The following ATG7 variants were observed in gnomAD, a reference collection of about 807,000 sequenced individuals.
ATG7 encodes autophagy related 7.
Under a neutral mutation model 82.4 loss-of-function variants are expected in ATG7, and 70 were observed. The observed-to-expected ratio is 0.85, with a 90% confidence interval of 0.70 to 1.04. The LOEUF is 1.04. ATG7 is among the 50% of genes least tolerant of loss of function. The pLI is 0.00. For missense variants in ATG7, 792 were observed against 864.3 expected (o/e 0.92, Z 1.05); for synonymous variants, 287 against 313.0 (o/e 0.92, Z 0.88).
At chr3:11,348,271 T>C in intron 14 of ATG7, 2 of 497,884 alleles carry the variant, frequency 4.0e-6, no homozygotes, top group East Asian at 3.7e-5. Context: ...GTTCCTTCAG[T>C]GCGTTCTTGG....
At chr3:11,275,064 T>G (rs1198005977) in intron 1 of ATG7, among the ~76,000 whole-genome samples, 1 of 151,642 alleles carries the variant, frequency 6.6e-6, no homozygotes, top group Non-Finnish European at 1.5e-5. Flanking sequence ...GCAGTGACAG[T>G]GGAGATGGAG....
At chr3:11,570,709 G>A in the ATG7 span, among the ~76,000 whole-genome samples, 2 of 152,150 alleles carry the variant, frequency 1.3e-5, no homozygotes, top group Non-Finnish European at 2.9e-5. Context: ...AAAATTTAAG[G>A]AACATTTAAA....
downstream of ATG7, chr3:11,558,342 C>T (rs188306508): frequency 1.4e-5 from 10 of 724,130 alleles, no homozygotes; most frequent in Non-Finnish European, 2.0e-5. Context: ...ATGTTCCACG[C>T]GTAGTTCCTG....
chr3:11,335,392 AC>A (rs1952289788), intron 11 of ATG7, among the ~76,000 whole-genome samples: 1 of 152,164 alleles, frequency 6.6e-6, no homozygotes, highest in African/African-American at 2.4e-5. Context: ...GAGCTAAAAA[AC>A]AAATGCAAAA....
At chr3:11,417,771 C>T (rs1481828046) in intron 19 of ATG7, among the ~76,000 whole-genome samples, 1 of 147,208 alleles carries the variant, frequency 6.8e-6, no homozygotes, top group Non-Finnish European at 1.5e-5. Context: ...TTGTGGTTTA[C>T]CAGCATTTAA....
chr3:11,492,047 G>A lies in ATG7; in HGVS notation c.2080-62764G>A, dbSNP rs201720396. Among the ~76,000 whole-genome samples, 367 of 152,208 alleles carry A rather than the reference G, an allele frequency of 2.4e-3. 5 individuals carry two copies. The East Asian group carries it at 0.027, about 11-fold the overall frequency. On this transcript the variant is annotated intron_variant, in intron 20 of 20. Transcript: ENST00000693202. ...TAAGCAAGCCTTGGCAATGGTGGGC[G>A]CCCCTCCCCCAGCCTCGCTGCCACC...
At chr3:11,521,524 G>C (rs1045372491) in intron 20 of ATG7, among the ~76,000 whole-genome samples, 6 of 151,124 alleles carry the variant, frequency 4.0e-5, no homozygotes, top group Non-Finnish European at 7.4e-5. Context: ...CGTGGGAGCA[G>C]CATGGCCTGG....
chr3:11,398,366 A>G (rs1280277243), intron 19 of ATG7, among the ~76,000 whole-genome samples: 4 of 152,212 alleles, frequency 2.6e-5, no homozygotes, highest in African/African-American at 9.7e-5. Context: ...GTGAAATTGT[A>G]TAGATGTATA....
intron 5 of ATG7, 71 bp from the exon 6 acceptor site, chr3:11,306,872 T>C: frequency 8.7e-7 from 1 of 1,154,756 alleles, no homozygotes; most frequent in Middle Eastern, 2.0e-4. Flanking sequence ...CCCACTACAG[T>C]GGTGGTTGAC....
chr3:11,379,825 A>G, intron 18 of ATG7, 147 bp from the exon 19 acceptor site: 2 of 715,106 alleles, frequency 2.8e-6, no homozygotes, highest in Non-Finnish European at 4.8e-6. Flanking sequence ...AAGGGAAAAT[A>G]CTCATTTCGA....
intron 20 of ATG7, among the ~76,000 whole-genome samples, chr3:11,485,765 G>C (rs2089554909): frequency 6.6e-6 from 1 of 152,184 alleles, no homozygotes; most frequent in Admixed American, 6.5e-5. Flanking sequence ...CGTATGGCTA[G>C]CCAGTTTTCC....
intron 18 of ATG7, among the ~76,000 whole-genome samples, chr3:11,372,851 C>CGCGTGT (rs1553633235): frequency 0.17 from 14,023 of 83,318 alleles, 1,878 homozygotes; most frequent in African/African-American, 0.32. Flanking sequence ...CGTGCGTGTG[C>CGCGTGT]GTGTGTGTGT....
intron 20 of ATG7, among the ~76,000 whole-genome samples, chr3:11,444,059 T>C (rs943784721): frequency 6.6e-6 from 1 of 152,206 alleles, no homozygotes; most frequent in African/African-American, 2.4e-5. Context: ...ACTTTGAATT[T>C]TTCAAACAGA....
intron 20 of ATG7, among the ~76,000 whole-genome samples, chr3:11,461,901 G>C (rs1157660661): frequency 6.6e-6 from 1 of 151,928 alleles, no homozygotes; most frequent in Non-Finnish European, 1.5e-5. Flanking sequence ...GTGGTGGCGG[G>C]CGCCTGTAGT....
At chr3:11,389,804 T>G (rs1170400102) in intron 19 of ATG7, among the ~76,000 whole-genome samples, 2 of 152,226 alleles carry the variant, frequency 1.3e-5, no homozygotes, top group Non-Finnish European at 2.9e-5. Context: ...TCATAAGTCT[T>G]GGCAGCTAAG....
intron 20 of ATG7, among the ~76,000 whole-genome samples, chr3:11,526,383 C>T (rs974714608): frequency 6.6e-6 from 1 of 152,084 alleles, no homozygotes; most frequent in Non-Finnish European, 1.5e-5. Flanking sequence ...CAGAGTGAGA[C>T]TCAAGTCTCA....
chr3:11,418,168 G>A (rs144886738), intron 19 of ATG7, among the ~76,000 whole-genome samples: 1,618 of 151,380 alleles, frequency 0.011, 18 homozygotes, highest in Middle Eastern at 0.017. Context: ...GCAATCGTGC[G>A]ATCTCAGCTC....
At chr3:11,510,915 A>G (rs1265953056) in intron 20 of ATG7, among the ~76,000 whole-genome samples, 1 of 152,152 alleles carries the variant, frequency 6.6e-6, no homozygotes, top group Non-Finnish European at 1.5e-5. Flanking sequence ...ACTGACTTCA[A>G]GAATGAAGCC....
chr3:11,302,748 G>A (rs1946988889), intron 5 of ATG7, among the ~76,000 whole-genome samples: 1 of 152,226 alleles, frequency 6.6e-6, no homozygotes, highest in South Asian at 2.1e-4. Context: ...AACAATCCCA[G>A]TACTCACTTA....
Sources: gnomAD v4.1 joint callset for allele counts (sites outside exome capture counted in the v4.1 genomes callset) on GRCh38, gnomAD v4.1.1 for gene constraint, MANE v1.5 for transcripts, NCBI Gene and HGNC (gene_info 2026-07-23, HGNC 2026-07-21) for gene names.